The following ZNF160 variants were observed in gnomAD, a reference collection of about 807,000 sequenced individuals.
The protein encoded by ZNF160 is KRAB zinc finger protein KR18.
In ZNF160, 9 loss-of-function variants were observed where a neutral mutation model predicts 13.1. The observed-to-expected ratio is 0.69, with a 90% CI of 0.41 to 1.20. ZNF160 has a LOEUF of 1.20. ZNF160 is among the 50% of genes most tolerant of loss of function. The pLI is 0.01. For missense variants in ZNF160, 838 were observed against 988.0 expected (o/e 0.85, Z 2.04); for synonymous variants, 293 against 333.2 (o/e 0.88, Z 1.31).
chr19:53,086,906 T>C (rs545701940), intron 2 of ZNF160, among the ~76,000 whole-genome samples: 1 of 152,208 alleles, frequency 6.6e-6, no homozygotes, highest in East Asian at 1.9e-4. Context: ...CTGGCTCTGC[T>C]CTCCTGTTGG....
At chr19:53,085,087 G>T in intron 3 of ZNF160, 1 of 860,954 alleles carries the variant, frequency 1.2e-6, no homozygotes, top group Non-Finnish European at 1.4e-6. Flanking sequence ...CACAAGTGCT[G>T]GGATTACAGG....
chr19:53,067,491 CCAAT>C lies in ZNF160; in HGVS notation c.*582_*585del, dbSNP rs1218644913. On this transcript the variant is annotated 3_prime_UTR_variant, in exon 6 of 6. Coordinates refer to ENST00000683776, the MANE Select transcript of ZNF160 (RefSeq NM_001322131.2). ...CCTTCACCTAATCAATGATCTTCAC[CCAAT>C]CAATGATCCTTCCATCCCAATGATC... 1.3e-5 allele frequency: 2 copies of C among 152,190 alleles called. No homozygotes were observed. The highest frequency in any genetic ancestry group is 2.9e-5 in the Non-Finnish European group (2 of 68,066). The allele number at this position is 152,190 out of a possible 1,614,324, so 9.4% of individuals were successfully genotyped here. A position where few individuals can be genotyped will look rare whatever the true frequency, so the allele number is the denominator to read the frequency against.
At chr19:53,087,228 G>C (rs2084870205) in intron 2 of ZNF160, among the ~76,000 whole-genome samples, 1 of 152,212 alleles carries the variant, frequency 6.6e-6, no homozygotes, top group African/African-American at 2.4e-5. Context: ...GAGCAGAGGG[G>C]GCTGGGAGGA....
At chr19:53,101,325 C>T (rs1448603321) in intron 1 of ZNF160, among the ~76,000 whole-genome samples, 6 of 151,880 alleles carry the variant, frequency 4.0e-5, no homozygotes, top group Non-Finnish European at 8.8e-5. Flanking sequence ...TACCTACTGA[C>T]TACCAAAGAG....
At chr19:53,099,129 AG>A (rs1168751719) in intron 1 of ZNF160, among the ~76,000 whole-genome samples, 5 of 151,940 alleles carry the variant, frequency 3.3e-5, no homozygotes, top group Middle Eastern at 6.8e-3. Context: ...TCCATGCAGA[AG>A]AGTGTCCGAT....
chr19:53,072,365 G>T (rs2084212652), intron 5 of ZNF160, among the ~76,000 whole-genome samples: 1 of 152,240 alleles, frequency 6.6e-6, no homozygotes, highest in South Asian at 2.1e-4. Context: ...CTCCCCAAGT[G>T]CTGGGATTAT....
At chr19:53,077,668 C>CAAA (rs57869247) in intron 3 of ZNF160, among the ~76,000 whole-genome samples, 6 of 51,128 alleles carry the variant, frequency 1.2e-4, no homozygotes, top group African/African-American at 2.6e-4. Context: ...GACTCCATCT[C>CAAA]AAAAAAAAAA....
rs1055162544 is a variant in ZNF160, at chr19:53,066,707, G to A, written c.*1370C>T. The A allele has an allele frequency of 6.6e-6, 1 of 152,154 alleles. No homozygotes were observed. Among genetic ancestry groups the A allele is most frequent in the Admixed American group, 6.5e-5 (1 of 15,268 alleles). The allele number at this position is 152,154 out of a possible 1,614,324, so 9.4% of individuals were successfully genotyped here. ...GCAAAATGTGCTTCAAGCAGATAAT[G>A]TGAGTTCTACTAAAGAATATGTTAC... On this transcript the variant is annotated 3_prime_UTR_variant, in exon 6 of 6. Coordinates refer to ENST00000683776, the MANE Select transcript of ZNF160 (RefSeq NM_001322131.2).
chr19:53,088,585 G>C (rs143317733), intron 2 of ZNF160, among the ~76,000 whole-genome samples: 2 of 151,922 alleles, frequency 1.3e-5, no homozygotes, highest in African/African-American at 4.8e-5. Context: ...CTTAAATAGA[G>C]CACAAATAGG....
At chr19:53,101,061 T>C (rs1293247607) in intron 1 of ZNF160, among the ~76,000 whole-genome samples, 2 of 151,814 alleles carry the variant, frequency 1.3e-5, no homozygotes, top group Admixed American at 6.6e-5. Flanking sequence ...GGTGGATCAC[T>C]TGAGGTCAGG....
chr19:53,075,305 G>T, intron 3 of ZNF160, 122 bp from the exon 4 acceptor site: 1 of 1,296,116 alleles, frequency 7.7e-7, no homozygotes, highest in Non-Finnish European at 1.1e-6. Context: ...GACAGATCCA[G>T]ATTGTGACAA....
intron 3 of ZNF160, among the ~76,000 whole-genome samples, chr19:53,083,321 T>C (rs2084705308): frequency 6.6e-6 from 1 of 152,136 alleles, no homozygotes; most frequent in Admixed American, 6.5e-5. Context: ...ATCCTGAAGC[T>C]TGTTGGAGGC....
intron 3 of ZNF160, among the ~76,000 whole-genome samples, chr19:53,083,628 A>C (rs2084718720): frequency 6.6e-6 from 1 of 152,246 alleles, no homozygotes; most frequent in Non-Finnish European, 1.5e-5. Context: ...AGCCGGGCAC[A>C]ATGGCTCATG....
intron 5 of ZNF160, among the ~76,000 whole-genome samples, chr19:53,071,539 C>CAAAAAAAAAA (rs56799856): frequency 1.7e-5 from 1 of 58,774 alleles, no homozygotes. Flanking sequence ...TCCGTCTCAT[C>CAAAAAAAAAA]AAAAAAAAAA....
chr19:53,075,044 A>T lies in ZNF160; in HGVS notation c.142+13T>A. 1 of 1,614,058 alleles carries T rather than the reference A, an allele frequency of 6.2e-7. No homozygotes were observed. The highest frequency in any genetic ancestry group is 8.5e-7 in the Non-Finnish European group (1 of 1,179,952). ...AGAACAGATCTTGACTTCTGGAAGA[A>T]AGTCATCCTCACCCAGAGAAACAAG... On this transcript the variant is annotated intron_variant, in intron 4 of 5. Coordinates refer to ENST00000683776, the MANE Select transcript of ZNF160 (RefSeq NM_001322131.2).
intron 1 of ZNF160, among the ~76,000 whole-genome samples, chr19:53,100,619 ATTAG>A (rs969896731): frequency 3.3e-5 from 5 of 151,942 alleles, no homozygotes; most frequent in African/African-American, 1.2e-4. Context: ...CCAAAAAAAA[ATTAG>A]TTAATAGGTT....
At chr19:53,100,705 C>T (rs558077653) in intron 1 of ZNF160, among the ~76,000 whole-genome samples, 39 of 149,390 alleles carry the variant, frequency 2.6e-4, no homozygotes, top group African/African-American at 9.6e-4. Flanking sequence ...ATCTAAAATT[C>T]CTACTGATGG....
At chr19:53,084,648 A>G (rs1343857279) in intron 3 of ZNF160, among the ~76,000 whole-genome samples, 1 of 152,244 alleles carries the variant, frequency 6.6e-6, no homozygotes, top group Non-Finnish European at 1.5e-5. Context: ...ACATCCACAA[A>G]GTAATGCAAC....
At position 53,068,966 on chromosome 19, in the gene ZNF160, C is replaced by A. The variant is rs374450747; in HGVS notation, c.1568G>T (p.Ser523Ile). 2.7e-4 allele frequency: 428 copies of A among 1,611,362 alleles called. No homozygotes were observed. The highest frequency in any genetic ancestry group is 3.5e-4 in the Non-Finnish European group (407 of 1,179,206). Residue 523 changes from serine (S) to isoleucine (I), a missense_variant, in exon 6 of 6, where the codon AGT (serine) becomes ATT (isoleucine). Physicochemically the swap from Ser to Ile is moderately radical, Grantham distance 142 (BLOSUM62 -2). Transcript: ENST00000683776. Reference sequence around the variant, plus strand: ...ATGGATTGCCTGATGGGTAGTCAGACTTGAACGAACACTGAAGGCTTTCCC... The same window carrying A: ...ATGGATTGCCTGATGGGTAGTCAGAATTGAACGAACACTGAAGGCTTTCCC... ...ECGKAFSVRSSLTTHQAIHSG... is the reference protein window; with the variant it reads ...ECGKAFSVRSILTTHQAIHSG...
Sources: allele counts gnomAD v4.1 joint callset (sites outside exome capture counted in the v4.1 genomes callset), GRCh38; gene constraint gnomAD v4.1.1; transcripts MANE v1.5; gene names NCBI Gene and HGNC (gene_info 2026-07-23, HGNC 2026-07-21).